HIVEP3: variants seen among roughly 807,000 people sequenced by gnomAD.
The protein encoded by HIVEP3 is transcription factor HIVEP3.
HIVEP3 carries 49 observed loss-of-function variants against 152.8 expected under a neutral mutation model. The observed-to-expected ratio is 0.32, with a 90% confidence interval of 0.26 to 0.41. HIVEP3 has a LOEUF of 0.41. Among genes scored for constraint, HIVEP3 ranks in the 10% least tolerant of loss-of-function variants. HIVEP3 has a pLI of 1.00. For synonymous variants in HIVEP3, 1,269 were observed against 1,289.0 expected (o/e 0.98, Z 0.33); for missense variants, 2,790 against 3,103.3 (o/e 0.90, Z 2.40).
chr1:41,845,569 C>G (rs1211457645), intron 1 of HIVEP3, among the ~76,000 whole-genome samples: 11 of 152,032 alleles, frequency 7.2e-5, no homozygotes, highest in Non-Finnish European at 7.3e-5. Flanking sequence ...TATTGCCAAG[C>G]CTTCCATTAA....
rs1005946388 is a variant in HIVEP3 at position 41,522,261 on chromosome 1, C to T, written c.5383+2474G>A. ...CCCCAGAAACAGACAGGAGCTCCAG[C>T]GCCCTGCTCTCCCTTCACCCCCATA... On this transcript the variant is annotated intron_variant, in intron 6 of 8. Transcript: ENST00000372583. Among the ~76,000 whole-genome samples, 7 of 152,360 alleles carry T rather than the reference C, an allele frequency of 4.6e-5. No homozygotes were observed. The South Asian group carries it at 8.3e-4, about 18-fold the overall frequency.
chr1:41,991,260 TAAAG>T (rs1490951021), intron 1 of HIVEP3, among the ~76,000 whole-genome samples: 3 of 119,664 alleles, frequency 2.5e-5, no homozygotes, highest in Non-Finnish European at 4.1e-5. Flanking sequence ...GCAAGACTAA[TAAAG>T]AAAAAAAGAG....
At chr1:41,741,070 T>C (rs1364645648) in intron 1 of HIVEP3, among the ~76,000 whole-genome samples, 3 of 152,192 alleles carry the variant, frequency 2.0e-5, no homozygotes, top group Admixed American at 6.5e-5. Flanking sequence ...ATGTGGTATC[T>C]TGTCTAATTT....
At chr1:41,971,224 C>G (rs1352619509) in intron 1 of HIVEP3, among the ~76,000 whole-genome samples, 1 of 152,138 alleles carries the variant, frequency 6.6e-6, no homozygotes, top group Non-Finnish European at 1.5e-5. Flanking sequence ...TTCACTTGGA[C>G]CACAGTAATC....
chr1:41,897,290 C>T (rs766156192), intron 1 of HIVEP3, among the ~76,000 whole-genome samples: 12 of 152,186 alleles, frequency 7.9e-5, no homozygotes, highest in Middle Eastern at 3.4e-3. Context: ...ACCTGGGGCA[C>T]GGTAGAGGAT....
At chr1:41,856,998 C>CA (rs1247143413) in intron 1 of HIVEP3, among the ~76,000 whole-genome samples, 1 of 152,156 alleles carries the variant, frequency 6.6e-6, no homozygotes, top group Non-Finnish European at 1.5e-5. Context: ...CCCAAATCCT[C>CA]AAAAAGCATT....
At chr1:41,619,101 C>T (rs1645009605) in intron 3 of HIVEP3, among the ~76,000 whole-genome samples, 1 of 151,954 alleles carries the variant, frequency 6.6e-6, no homozygotes, top group Non-Finnish European at 1.5e-5. Flanking sequence ...GGATGTTGTG[C>T]CTGCCTCTCC....
chr1:41,588,801 G>T (rs1337723805), intron 3 of HIVEP3, among the ~76,000 whole-genome samples: 4 of 152,142 alleles, frequency 2.6e-5, no homozygotes, highest in Non-Finnish European at 5.9e-5. Context: ...CATGGTGGAG[G>T]GTGGCTAGCC....
At chr1:41,696,094 T>C (rs183567064) in intron 2 of HIVEP3, among the ~76,000 whole-genome samples, 1 of 152,354 alleles carries the variant, frequency 6.6e-6, no homozygotes, top group East Asian at 1.9e-4. Flanking sequence ...GGGTATCAAA[T>C]GGCACTGTAT....
At position 41,513,613 on chromosome 1, in the gene HIVEP3, T is replaced by TCTCCTC. The variant is rs781186682; in HGVS notation, c.5602_5607dup (p.Glu1868_Glu1869dup). The stretch of plus-strand genomic sequence containing the variant: ...GATGGTCTGGACAGCTCATCCTGGC[T>TCTCCTC]CTCCTCCTCATCCTCATCCTCGTCT... On this transcript the variant is annotated inframe_insertion, in exon 8 of 9. Coordinates refer to ENST00000372583, the MANE Select transcript of HIVEP3 (RefSeq NM_024503.5). 2.7e-5 allele frequency: 44 copies of TCTCCTC among 1,613,812 alleles called. No individual in the cohort carries two copies. The highest frequency in any genetic ancestry group is 3.7e-5 in the Non-Finnish European group (44 of 1,179,990).
At chr1:41,926,520 A>G (rs1286021263) in intron 1 of HIVEP3, among the ~76,000 whole-genome samples, 1 of 152,170 alleles carries the variant, frequency 6.6e-6, no homozygotes, top group Non-Finnish European at 1.5e-5. Context: ...AGTATAATGC[A>G]GTGGGGAGGC....
rs1006796001 is a variant in HIVEP3 at position 41,584,981 on chromosome 1, A to G, written c.-184T>C. On this transcript the variant is annotated 5_prime_UTR_variant, in exon 4 of 9. Coordinates refer to ENST00000372583, the MANE Select transcript of HIVEP3 (RefSeq NM_024503.5). This position sits in a 1 kb window ranked among gnomAD's most constrained non-coding sequence, Gnocchi z 5.2. ...CACTGGCTGTGAGTGGACTCGGAGC[A>G]GGTCATCAGGGCCCACGCTATTCTA... 17 of 462,258 alleles carry G rather than the reference A, an allele frequency of 3.7e-5. No homozygotes were observed. The highest frequency in any genetic ancestry group is 5.2e-5 in the Non-Finnish European group (14 of 271,194). 28.6% of individuals were successfully genotyped at this position (462,258 alleles called of 1,614,324 possible).
intron 3 of HIVEP3, among the ~76,000 whole-genome samples, chr1:41,593,834 A>G (rs1644624483): frequency 6.6e-6 from 1 of 152,248 alleles, no homozygotes; most frequent in Admixed American, 6.5e-5. Context: ...CTCGGCTAAA[A>G]GCAAGGTGTC....
At chr1:41,878,028 C>T (rs1226847227) in intron 1 of HIVEP3, among the ~76,000 whole-genome samples, 1 of 152,144 alleles carries the variant, frequency 6.6e-6, no homozygotes, top group African/African-American at 2.4e-5. Context: ...AGATTCAGAA[C>T]ACTATTCCTG....
intron 7 of HIVEP3, among the ~76,000 whole-genome samples, chr1:41,516,131 G>A (rs940863098): frequency 1.3e-5 from 2 of 152,254 alleles, no homozygotes; most frequent in South Asian, 4.1e-4. Flanking sequence ...GGCTGGCCGG[G>A]GCCTCCACAT....
In HIVEP3 at chr1:41,739,181, C is replaced by T. The variant is rs552732770; in HGVS notation, c.-800-38186G>A. Reference sequence around the variant, plus strand: ...GCCTCTGCCCCTGCATGGCCCCAGACGGCTGGGGGTTTCCGGGCAGCCTGG... The same window carrying T: ...GCCTCTGCCCCTGCATGGCCCCAGATGGCTGGGGGTTTCCGGGCAGCCTGG... On this transcript the variant is annotated intron_variant, in intron 1 of 8. Coordinates refer to ENST00000372583, the MANE Select transcript of HIVEP3 (RefSeq NM_024503.5). Among the ~76,000 whole-genome samples the T allele has an allele frequency of 2.4e-3, 364 of 152,360 alleles. 1 individual carries two copies. Among genetic ancestry groups the T allele is most frequent in the Non-Finnish European group, 3.9e-3 (263 of 68,038 alleles).
At chr1:41,740,195 C>A (rs1646976613) in intron 1 of HIVEP3, among the ~76,000 whole-genome samples, 1 of 152,240 alleles carries the variant, frequency 6.6e-6, no homozygotes. Context: ...GTGGCCACTG[C>A]CTCCCCGGCC....
intron 1 of HIVEP3, among the ~76,000 whole-genome samples, chr1:41,871,878 A>G (rs962199101): frequency 9.2e-5 from 14 of 152,262 alleles, no homozygotes; most frequent in Non-Finnish European, 2.1e-4. Context: ...GATGAGCCCA[A>G]GACCACCAGA....
chr1:41,940,368 G>A (rs1349822016), intron 1 of HIVEP3, among the ~76,000 whole-genome samples: 2 of 152,120 alleles, frequency 1.3e-5, no homozygotes, highest in Admixed American at 6.5e-5. Context: ...CACTGTGCCA[G>A]GCATTTTTCT....
Sources: allele counts gnomAD v4.1 joint callset (sites outside exome capture counted in the v4.1 genomes callset), GRCh38; gene constraint gnomAD v4.1.1; non-coding constraint Gnocchi (gnomAD v3.1); transcripts MANE v1.5; gene names NCBI Gene and HGNC (gene_info 2026-07-23, HGNC 2026-07-21).